The following AMBRA1 variants were observed in gnomAD, a reference collection of about 807,000 sequenced individuals.
AMBRA1 encodes the protein activating molecule in BECN1-regulated autophagy protein 1.
A neutral mutation model predicts 125.4 loss-of-function variants in AMBRA1; 47 were observed. That is an observed-to-expected ratio of 0.37 (90% confidence interval 0.30 to 0.48). The LOEUF (loss-of-function observed/expected upper bound fraction) is 0.48. AMBRA1 is among the 20% of genes least tolerant of loss of function. The pLI is 0.99. For synonymous variants in AMBRA1, 626 were observed against 655.5 expected (o/e 0.95, Z 0.69); for missense variants, 1,331 against 1,693.4 (o/e 0.79, Z 3.76).
intron 1 of AMBRA1, among the ~76,000 whole-genome samples, chr11:46,577,757 C>T (rs1415492254): frequency 6.6e-6 from 1 of 152,020 alleles, no homozygotes; most frequent in Admixed American, 6.6e-5. Flanking sequence ...TTGAGACCAG[C>T]CTGACCAATA....
At chr11:46,434,264 G>A (rs1947603774) in intron 13 of AMBRA1, among the ~76,000 whole-genome samples, 1 of 151,320 alleles carries the variant, frequency 6.6e-6, no homozygotes, top group Admixed American at 6.6e-5. Flanking sequence ...TTCTGTAAGA[G>A]CATTTTAAGG....
At chr11:46,547,604 G>A (rs2042865016) in intron 3 of AMBRA1, among the ~76,000 whole-genome samples, 10 of 152,142 alleles carry the variant, frequency 6.6e-5, no homozygotes, top group Admixed American at 6.5e-4. Flanking sequence ...AACTTTCCAA[G>A]TTTTGATCCT....
At chr11:46,522,091 A>G (rs1951786173) in intron 7 of AMBRA1, among the ~76,000 whole-genome samples, 1 of 152,212 alleles carries the variant, frequency 6.6e-6, no homozygotes, top group Non-Finnish European at 1.5e-5. Flanking sequence ...GGAAGAGGCT[A>G]GAAACAGAAT....
intron 12 of AMBRA1, among the ~76,000 whole-genome samples, chr11:46,436,511 A>G (rs1040449716): frequency 6.6e-6 from 1 of 152,228 alleles, no homozygotes; most frequent in Admixed American, 6.5e-5. Flanking sequence ...ACTCACTGCT[A>G]TCACCATTAG....
rs558955592 is a variant in AMBRA1 at position 46,465,160 on chromosome 11, C to G, written c.2522-21562G>C. Among the ~76,000 whole-genome samples, 295 of 152,296 alleles carry G rather than the reference C, an allele frequency of 1.9e-3. 1 individual carries two copies. Among genetic ancestry groups the G allele is most frequent in the African/African-American group, 6.9e-3 (287 of 41,562 alleles). ...CCCACACCTACAGCCCAGACCCTGC[C>G]AAAATTATTCAAACCGATCCAATCC... On this transcript the variant is annotated intron_variant, in intron 11 of 17. Coordinates refer to ENST00000683756, the MANE Select transcript of AMBRA1 (RefSeq NM_001387011.1).
At chr11:46,422,564 T>C (rs554140284) in intron 14 of AMBRA1, among the ~76,000 whole-genome samples, 16 of 152,128 alleles carry the variant, frequency 1.1e-4, no homozygotes, top group Admixed American at 9.8e-4. Context: ...TGTTCAAAGA[T>C]AGACAGGAAA....
chr11:46,437,414 A>G (rs1947775352), intron 12 of AMBRA1, among the ~76,000 whole-genome samples: 1 of 152,234 alleles, frequency 6.6e-6, no homozygotes, highest in Non-Finnish European at 1.5e-5. Flanking sequence ...CGAAAAGAGA[A>G]TGCTGAAAAT....
At chr11:46,466,911 TTTTC>T (rs1259533063) in intron 11 of AMBRA1, among the ~76,000 whole-genome samples, 4 of 103,528 alleles carry the variant, frequency 3.9e-5, no homozygotes, top group Admixed American at 1.6e-4. Flanking sequence ...TCTTTTTTTC[TTTTC>T]TTTTTTCTTT....
chr11:46,419,902 G>A (rs1438821221), intron 14 of AMBRA1, among the ~76,000 whole-genome samples: 2 of 151,790 alleles, frequency 1.3e-5, no homozygotes, highest in African/African-American at 4.8e-5. Flanking sequence ...CCCTGGATCT[G>A]AGAACACATG....
intron 11 of AMBRA1, among the ~76,000 whole-genome samples, chr11:46,452,354 G>GT (rs774310326): frequency 2.0e-5 from 3 of 152,038 alleles, no homozygotes; most frequent in East Asian, 1.9e-4. Flanking sequence ...TGTTGTTGTT[G>GT]TTGTTTGTTT....
At chr11:46,402,912 G>A (rs1945834898) in intron 17 of AMBRA1, among the ~76,000 whole-genome samples, 2 of 152,148 alleles carry the variant, frequency 1.3e-5, no homozygotes, top group African/African-American at 4.8e-5. Context: ...GGAACTCTAA[G>A]CCAAGGCTAA....
chr11:46,573,420 A>C (rs898660116), intron 1 of AMBRA1, among the ~76,000 whole-genome samples: 21 of 151,966 alleles, frequency 1.4e-4, no homozygotes, highest in South Asian at 1.0e-3. Flanking sequence ...ACAAAACAAA[A>C]AAAAAAAAAC....
At chr11:46,532,441 T>A (rs1329308891) in intron 7 of AMBRA1, among the ~76,000 whole-genome samples, 1 of 152,174 alleles carries the variant, frequency 6.6e-6, no homozygotes, top group Non-Finnish European at 1.5e-5. Flanking sequence ...GAAGAAAGGT[T>A]GAAGAGTTCT....
chr11:46,507,434 G>C (rs1305318887), intron 9 of AMBRA1, among the ~76,000 whole-genome samples: 2 of 150,506 alleles, frequency 1.3e-5, no homozygotes, highest in African/African-American at 4.9e-5. Context: ...AGCCGAGATA[G>C]CGCCACTGCA....
intron 16 of AMBRA1, 80 bp downstream of exon 16, chr11:46,410,196 C>T (rs138854891): frequency 3.7e-5 from 49 of 1,334,138 alleles, no homozygotes; most frequent in Middle Eastern, 5.1e-4. Flanking sequence ...CCCTAGAGGG[C>T]GCTGCTTAAG....
intron 11 of AMBRA1, among the ~76,000 whole-genome samples, chr11:46,471,145 C>T (rs923220131): frequency 2.2e-4 from 33 of 152,092 alleles, no homozygotes; most frequent in Admixed American, 1.6e-3. Flanking sequence ...AGAGTTTAGA[C>T]GAAATTTGAA....
chr11:46,461,703 T>C (rs955134869), intron 11 of AMBRA1, among the ~76,000 whole-genome samples: 1 of 152,240 alleles, frequency 6.6e-6, no homozygotes, highest in Non-Finnish European at 1.5e-5. Context: ...GTTCATACCA[T>C]GTAAAGCCTG....
rs778752987 is a variant in AMBRA1, at chr11:46,397,450, C to T, written c.3897G>A (p.Ter1299=). 2.0e-6 allele frequency: 3 copies of T among 1,504,578 alleles called. No individual in the cohort carries two copies. In the Admixed American group the frequency reaches 6.9e-5, roughly 35 times the overall value. 93.2% of individuals were successfully genotyped at this position (1,504,578 alleles called of 1,614,324 possible). Residue 1299 remains the stop codon, a stop_retained_variant, in exon 18 of 18, where the codon TAG becomes TAA. Coordinates refer to ENST00000683756, the MANE Select transcript of AMBRA1 (RefSeq NM_001387011.1). ...GGAGGCACCAGTGCAACGTTTGTCT[C>T]TACCTGTTCCGTGGTTCTCCCCTAG... is the stretch of plus-strand genomic sequence containing the variant. ...AGPRGEPRNR[*] is the part of the protein sequence containing the mutation.
At chr11:46,570,865 A>G (rs1350827836) in intron 1 of AMBRA1, among the ~76,000 whole-genome samples, 1 of 152,194 alleles carries the variant, frequency 6.6e-6, no homozygotes, top group African/African-American at 2.4e-5. Context: ...CTTTTGGAAG[A>G]CTACACGATG....
Sources: allele counts gnomAD v4.1 joint callset (sites outside exome capture counted in the v4.1 genomes callset), GRCh38; gene constraint gnomAD v4.1.1; transcripts MANE v1.5; gene names NCBI Gene and HGNC (gene_info 2026-07-23, HGNC 2026-07-21).